Variants in CRB1 observed in about 807,000 individuals in gnomAD.
The protein encoded by CRB1 is crumbs cell polarity complex component 1, also known as protein crumbs homolog 1.
In CRB1, 83 loss-of-function variants were observed where a neutral mutation model predicts 120.0. That is an observed-to-expected ratio of 0.69 (90% CI 0.58 to 0.83). The LOEUF (loss-of-function observed/expected upper bound fraction) is 0.83, where lower values mean the gene tolerates loss of function less well. Ranked by LOEUF, CRB1 falls within the 40% of genes least tolerant of loss-of-function variation. CRB1 has a pLI of 0.00. For missense variants in CRB1, 1,699 were observed against 1,687.6 expected, an observed-to-expected ratio of 1.01 and a Z score of -0.12; for synonymous variants, 625 against 612.5, an observed-to-expected ratio of 1.02 and a Z score of -0.30.
At chr1:197,435,758 C>A in intron 9 of CRB1, 146 bp downstream of exon 9, 1 of 747,084 alleles carries the variant, frequency 1.3e-6, no homozygotes. Context: ...ACAATTTGGT[C>A]ATGTTCAGAT....
At chr1:197,217,154 G>A in the CRB1 span, among the ~76,000 whole-genome samples, 1 of 152,070 alleles carries the variant, frequency 6.6e-6, no homozygotes, top group Non-Finnish European at 1.5e-5. Flanking sequence ...TAGTACTTAT[G>A]GATGGAAATA....
intron 1 of CRB1, among the ~76,000 whole-genome samples, chr1:197,313,155 G>C (rs1571820230): frequency 6.6e-6 from 1 of 152,106 alleles, no homozygotes; most frequent in African/African-American, 2.4e-5. Context: ...TGTGGTGGAG[G>C]GGAAGTGCCA....
chr1:197,299,711 C>T (rs758949091), intron 1 of CRB1, among the ~76,000 whole-genome samples: 20 of 152,028 alleles, frequency 1.3e-4, no homozygotes, highest in Non-Finnish European at 2.5e-4. Context: ...CAACTACATG[C>T]ATAAATTGTT....
At chr1:197,284,015 A>G (rs1174834415) in intron 1 of CRB1, among the ~76,000 whole-genome samples, 2 of 151,908 alleles carry the variant, frequency 1.3e-5, no homozygotes, top group Non-Finnish European at 2.9e-5. Context: ...ATTATAAGCT[A>G]TGTGGGTTTG....
chr1:197,349,890 G>A (rs1659991049), intron 4 of CRB1, among the ~76,000 whole-genome samples: 1 of 151,740 alleles, frequency 6.6e-6, no homozygotes, highest in Admixed American at 6.6e-5. Flanking sequence ...CATGAGGTCA[G>A]GAGATCGAGA....
chr1:197,442,509 AAATAAAAACCATCTC>A (rs1665505385), intron 11 of CRB1: 1 of 1,466,156 alleles, frequency 6.8e-7, no homozygotes, highest in Non-Finnish European at 8.9e-7. Flanking sequence ...AAGAAAAAGG[AAATAAAAACCATCTC>A]AATAATTAAG....
intron 5 of CRB1, among the ~76,000 whole-genome samples, chr1:197,380,092 C>T (rs146789507): frequency 1.1e-3 from 165 of 152,206 alleles, no homozygotes; most frequent in African/African-American, 3.9e-3. Context: ...AAAAAATGAT[C>T]GAGATTTTCT....
At chr1:197,429,671 C>T in intron 8 of CRB1, 57 bp downstream of exon 8, 1 of 1,551,840 alleles carries the variant, frequency 6.4e-7, no homozygotes, top group Non-Finnish European at 8.9e-7. Flanking sequence ...TTGAGTTGTT[C>T]CAAGAGCAAA....
At chr1:197,429,659 A>G (rs1664782677) in intron 8 of CRB1, 45 bp downstream of exon 8, 1 of 1,590,494 alleles carries the variant, frequency 6.3e-7, no homozygotes, top group South Asian at 1.1e-5. Flanking sequence ...AAGTTGCGAC[A>G]TTTGAGTTGT....
At chr1:197,206,401 T>C in the CRB1 span, among the ~76,000 whole-genome samples, 889 of 152,324 alleles carry the variant, frequency 5.8e-3, 9 homozygotes, top group African/African-American at 0.018. Context: ...GGCTATGAAC[T>C]TTCCTTTTAG....
the CRB1 span, among the ~76,000 whole-genome samples, chr1:197,256,343 CCTTT>C: frequency 6.6e-6 from 1 of 151,742 alleles, no homozygotes; most frequent in African/African-American, 2.4e-5. Context: ...CTTGTTGCTT[CCTTT>C]ATTATTATTA....
chr1:197,204,554 G>A, the CRB1 span, among the ~76,000 whole-genome samples: 1 of 152,120 alleles, frequency 6.6e-6, no homozygotes, highest in South Asian at 2.1e-4. Flanking sequence ...TTTTTCATAT[G>A]TTTGTTGGCC....
chr1:197,310,845 T>G (rs1249055296), intron 1 of CRB1, among the ~76,000 whole-genome samples: 1 of 152,178 alleles, frequency 6.6e-6, no homozygotes, highest in Non-Finnish European at 1.5e-5. Flanking sequence ...CTTTGCATTA[T>G]GTTTGTTAAT....
chr1:197,364,217 A>T lies in CRB1; in HGVS notation c.1171+7204A>T, dbSNP rs895629603. The T allele has an allele frequency of 2.0e-5, 8 of 408,992 alleles. No individual in the cohort carries two copies. In the South Asian group the frequency reaches 8.1e-4, roughly 41 times the overall value. 25.3% of individuals were successfully genotyped at this position (408,992 alleles called of 1,614,324 possible). A position where few individuals can be genotyped will look rare whatever the true frequency, so the allele number is the denominator to read the frequency against. On this transcript the variant is annotated intron_variant, in intron 5 of 11. Coordinates refer to ENST00000367400, the MANE Select transcript of CRB1 (RefSeq NM_201253.3). Reference sequence around the variant, plus strand: ...TACAGTTCTGCAATAAACTCAGTAAACTCAAAATAAACTCAATATGTTTGC... The same window carrying T: ...TACAGTTCTGCAATAAACTCAGTAATCTCAAAATAAACTCAATATGTTTGC...
intron 1 of CRB1, among the ~76,000 whole-genome samples, chr1:197,287,530 T>C (rs1427990379): frequency 6.6e-6 from 1 of 151,850 alleles, no homozygotes; most frequent in Non-Finnish European, 1.5e-5. Context: ...AAATTGATGA[T>C]GGTGGTCTCT....
At chr1:197,232,370 C>T in the CRB1 span, among the ~76,000 whole-genome samples, 1 of 151,964 alleles carries the variant, frequency 6.6e-6, no homozygotes, top group Admixed American at 6.6e-5. Context: ...GGAAATGACA[C>T]TCTAAGACAA....
chr1:197,259,590 A>C, the CRB1 span, among the ~76,000 whole-genome samples: 1 of 152,080 alleles, frequency 6.6e-6, no homozygotes, highest in Non-Finnish European at 1.5e-5. Context: ...GGGGCTTGAA[A>C]CCTAGGTGAT....
chr1:197,448,451 T>C (rs541254422), intron 11 of CRB1, among the ~76,000 whole-genome samples: 12 of 152,264 alleles, frequency 7.9e-5, no homozygotes, highest in African/African-American at 2.6e-4. Context: ...TTGGTCTCCA[T>C]ATACAATTTG....
At chr1:197,451,991 T>C (rs1422784720) in intron 11 of CRB1, among the ~76,000 whole-genome samples, 1 of 152,164 alleles carries the variant, frequency 6.6e-6, no homozygotes, top group East Asian at 1.9e-4. Context: ...CCATAATAGA[T>C]GCCTGATATT....
Sources: gnomAD v4.1 joint callset for allele counts (sites outside exome capture counted in the v4.1 genomes callset) on GRCh38, gnomAD v4.1.1 for gene constraint, MANE v1.5 for transcripts, NCBI Gene and HGNC (gene_info 2026-07-23, HGNC 2026-07-21) for gene names.